Variants in SLCO3A1 observed in about 807,000 individuals in gnomAD.
The protein encoded by SLCO3A1 is PGE1 transporter.
SLCO3A1 carries 27 observed loss-of-function variants against 63.1 expected under a neutral mutation model. The ratio of observed to expected loss-of-function variants is 0.43; its 90% confidence interval spans 0.32 to 0.59. The LOEUF (loss-of-function observed/expected upper bound fraction) is 0.59. SLCO3A1 is among the 20% of genes least tolerant of loss of function. The pLI is 0.09. For synonymous variants in SLCO3A1, 473 were observed against 409.9 expected, an observed-to-expected ratio of 1.15 and a Z score of -1.86; for missense variants, 773 against 945.8, an observed-to-expected ratio of 0.82 and a Z score of 2.40.
chr15:92,129,265 A>G (rs371652256), intron 7 of SLCO3A1, among the ~76,000 whole-genome samples: 180 of 152,210 alleles, frequency 1.2e-3, no homozygotes, highest in African/African-American at 4.2e-3. Context: ...TAACATAGCA[A>G]ATGACCCTTT....
chr15:91,889,561 G>A (rs8040897), intron 1 of SLCO3A1, among the ~76,000 whole-genome samples: 3,614 of 152,286 alleles, frequency 0.024, 143 homozygotes, highest in African/African-American at 0.083. Context: ...ATTGCTGTTC[G>A]CTTAGTGTCA....
At chr15:91,955,054 C>G (rs1462268588) in intron 2 of SLCO3A1, among the ~76,000 whole-genome samples, 1 of 152,130 alleles carries the variant, frequency 6.6e-6, no homozygotes, top group Non-Finnish European at 1.5e-5. Context: ...GTATATATCC[C>G]TTTCATAAGA....
chr15:91,906,356 C>G (rs1567179364), intron 1 of SLCO3A1, among the ~76,000 whole-genome samples: 1 of 152,106 alleles, frequency 6.6e-6, no homozygotes, highest in Non-Finnish European at 1.5e-5. Context: ...ATGATAATTC[C>G]CTGTTTTCAT....
At chr15:91,898,175 T>A (rs971173047) in intron 1 of SLCO3A1, among the ~76,000 whole-genome samples, 2 of 152,072 alleles carry the variant, frequency 1.3e-5, no homozygotes, top group Non-Finnish European at 2.9e-5. Flanking sequence ...CCTGTGTCAC[T>A]GGTGCACACA....
intron 1 of SLCO3A1, among the ~76,000 whole-genome samples, chr15:91,890,745 C>T (rs1897849141): frequency 6.6e-6 from 1 of 152,158 alleles, no homozygotes; most frequent in South Asian, 2.1e-4. Context: ...CCAGAGTTTT[C>T]TGGTCTGGGC....
intron 2 of SLCO3A1, among the ~76,000 whole-genome samples, chr15:92,024,701 A>G (rs79934972): frequency 2.4e-3 from 363 of 152,346 alleles, no homozygotes; most frequent in African/African-American, 7.7e-3. Context: ...CACAAAGCAA[A>G]ACAGGATTAG....
chr15:92,092,239 C>G (rs1319278130), intron 2 of SLCO3A1, among the ~76,000 whole-genome samples: 2 of 152,134 alleles, frequency 1.3e-5, no homozygotes, highest in African/African-American at 4.8e-5. Flanking sequence ...TCCAAGGATG[C>G]TGAAGGCTTG....
intron 2 of SLCO3A1, among the ~76,000 whole-genome samples, chr15:91,963,838 G>C (rs1015662904): frequency 6.6e-6 from 1 of 152,054 alleles, no homozygotes; most frequent in Non-Finnish European, 1.5e-5. Context: ...TGTGAAGAGC[G>C]AAAGAACAAA....
At chr15:92,117,555 G>A (rs759158673) in intron 4 of SLCO3A1, among the ~76,000 whole-genome samples, 2 of 152,102 alleles carry the variant, frequency 1.3e-5, no homozygotes, top group Non-Finnish European at 2.9e-5. Context: ...GTTATTACTT[G>A]CCAAAACACA....
At chr15:92,166,451 T>TAAC (rs2048494189), downstream of SLCO3A1, among the ~76,000 whole-genome samples, 3 of 152,244 alleles carry the variant, frequency 2.0e-5, no homozygotes, top group Admixed American at 2.0e-4. Flanking sequence ...GATCATGGAA[T>TAAC]AACTCGCTCT....
Position 91,883,724 on chromosome 15 carries a change from T to C in SLCO3A1, c.180+29636T>C, listed in dbSNP as rs771818686. 6.6e-6 allele frequency among the ~76,000 whole-genome samples: 1 copy of C among 152,244 alleles called. No homozygotes were observed. Among genetic ancestry groups the C allele is most frequent in the African/African-American group, 2.4e-5 (1 of 41,452 alleles). Reference sequence around the variant, plus strand: ...CTGGGTTGTGCATAGAAATTTCGGTTCCAAGTATTTTTTGAAGTAGAAGTG... The same window carrying C: ...CTGGGTTGTGCATAGAAATTTCGGTCCCAAGTATTTTTTGAAGTAGAAGTG... On this transcript the variant is annotated intron_variant, in intron 1 of 9. Transcript: ENST00000318445. This position sits in a 1 kb window ranked among gnomAD's most constrained non-coding sequence, Gnocchi z 4.8.
intron 2 of SLCO3A1, among the ~76,000 whole-genome samples, chr15:92,050,865 C>A (rs1269120955): frequency 6.6e-6 from 1 of 152,132 alleles, no homozygotes; most frequent in African/African-American, 2.4e-5. Context: ...CCTCCTGGCC[C>A]CTCTTGCTAT....
chr15:91,956,993 G>GTA (rs370413709), intron 2 of SLCO3A1, among the ~76,000 whole-genome samples: 251 of 7,936 alleles, frequency 0.032, 86 homozygotes, highest in African/African-American at 0.084. Flanking sequence ...ATAATATATA[G>GTA]TATATATTAT....
intron 2 of SLCO3A1, among the ~76,000 whole-genome samples, chr15:92,082,928 G>A (rs2047363957): frequency 6.6e-6 from 1 of 152,106 alleles, no homozygotes; most frequent in African/African-American, 2.4e-5. Flanking sequence ...TGATCTCTCT[G>A]CGCTTCTGTA....
intron 3 of SLCO3A1, among the ~76,000 whole-genome samples, chr15:92,100,308 G>A (rs972132419): frequency 3.3e-5 from 5 of 152,172 alleles, no homozygotes; most frequent in African/African-American, 1.2e-4. Context: ...AATGACCACG[G>A]GGTAGATTAG....
intron 2 of SLCO3A1, among the ~76,000 whole-genome samples, chr15:92,013,662 C>G (rs1401178873): frequency 6.6e-6 from 1 of 152,220 alleles, no homozygotes; most frequent in African/African-American, 2.4e-5. Context: ...ATCAAACATT[C>G]TTTCTTGTTT....
intron 2 of SLCO3A1, among the ~76,000 whole-genome samples, chr15:91,918,035 A>G (rs1397872629): frequency 1.3e-5 from 2 of 152,216 alleles, no homozygotes; most frequent in East Asian, 3.9e-4. Flanking sequence ...TGAAGTCCTA[A>G]CAGTGCTGTA....
At chr15:92,103,311 C>T (rs1388527530) in intron 3 of SLCO3A1, among the ~76,000 whole-genome samples, 1 of 152,088 alleles carries the variant, frequency 6.6e-6, no homozygotes, top group Non-Finnish European at 1.5e-5. Flanking sequence ...GGGAGCTGTG[C>T]TGTACAAGGC....
In SLCO3A1 at chr15:92,163,485, A is replaced by G. The variant is rs1280716559; in HGVS notation, c.*350A>G. 2.0e-5 allele frequency: 20 copies of G among 1,019,978 alleles called. No homozygotes were observed. Among genetic ancestry groups the G allele is most frequent in the Non-Finnish European group, 2.2e-5 (19 of 853,364 alleles). The allele number at this position is 1,019,978 out of a possible 1,614,324, so 63.2% of individuals were successfully genotyped here. ...GTGGTGGCCAGCTTGGAGGATGGAC[A>G]TTTCTGGATACACATACACATACAA... On this transcript the variant is annotated 3_prime_UTR_variant, in exon 10 of 10. Coordinates refer to ENST00000318445, the MANE Select transcript of SLCO3A1 (RefSeq NM_013272.4).
Sources: allele counts gnomAD v4.1 joint callset (sites outside exome capture counted in the v4.1 genomes callset), GRCh38; gene constraint gnomAD v4.1.1; non-coding constraint Gnocchi (gnomAD v3.1); transcripts MANE v1.5; gene names NCBI Gene and HGNC (gene_info 2026-07-23, HGNC 2026-07-21).